The following PKIB variants were observed in gnomAD, a reference collection of about 807,000 sequenced individuals.
The protein encoded by PKIB is cAMP-dependent protein kinase inhibitor beta, also known as PKI-beta.
PKIB carries 2 observed loss-of-function variants against 4.5 expected under a neutral mutation model. The observed-to-expected ratio is 0.44, with a 90% CI of 0.18 to 1.39. PKIB has a LOEUF of 1.39. Ranked by LOEUF, PKIB falls within the 40% of genes most tolerant of loss-of-function variation. The pLI, the probability that PKIB is intolerant of heterozygous loss-of-function variation, is 0.27. For synonymous variants in PKIB, 38 were observed against 36.0 expected (o/e 1.06, Z -0.20); for missense variants, 94 against 92.6 (o/e 1.02, Z -0.06).
chr6:122,529,180 A>T (rs1220900473), intron 2 of PKIB, among the ~76,000 whole-genome samples: 1 of 152,040 alleles, frequency 6.6e-6, no homozygotes, highest in Non-Finnish European at 1.5e-5. Context: ...TTCTGTAATG[A>T]TGTGCTTTGA....
intron 1 of PKIB, among the ~76,000 whole-genome samples, chr6:122,613,588 A>G (rs991417654): frequency 6.6e-6 from 1 of 152,204 alleles, no homozygotes; most frequent in Non-Finnish European, 1.5e-5. Context: ...AGGTAGTGAC[A>G]TTACATGGAA....
intron 2 of PKIB, among the ~76,000 whole-genome samples, chr6:122,551,788 C>A (rs197681): frequency 0.81 from 122,408 of 151,452 alleles, 49,610 homozygotes; most frequent in South Asian, 0.92. Flanking sequence ...TCTTTAAATA[C>A]TAAAACTCCA....
rs1298227998 is a variant in PKIB, at chr6:122,598,645, G to A, written c.-161+12638G>A. 2.0e-5 allele frequency among the ~76,000 whole-genome samples: 3 copies of A among 152,218 alleles called. No homozygotes were observed. In the East Asian group the frequency reaches 5.8e-4, roughly 29 times the overall value. ...TGAACCCTCCCAGCTGGGATGAGTA[G>A]GTCTAAAGTGACTAATCCACTCCAC... On this transcript the variant is annotated intron_variant, in intron 3 of 6. Coordinates refer to the PKIB transcript ENST00000392491.
At chr6:122,628,243 G>A (rs1775545391) in intron 1 of PKIB, among the ~76,000 whole-genome samples, 1 of 152,122 alleles carries the variant, frequency 6.6e-6, no homozygotes, top group Non-Finnish European at 1.5e-5. Flanking sequence ...CTCCATGTGG[G>A]TCAGGCTGGT....
chr6:122,497,363 C>A (rs1776102514), intron 2 of PKIB, among the ~76,000 whole-genome samples: 1 of 152,130 alleles, frequency 6.6e-6, no homozygotes, highest in Non-Finnish European at 1.5e-5. Flanking sequence ...AGAATCAAAA[C>A]TTCACATTAT....
intron 3 of PKIB, among the ~76,000 whole-genome samples, chr6:122,675,410 G>A (rs1777631742): frequency 6.6e-6 from 1 of 152,054 alleles, no homozygotes; most frequent in Non-Finnish European, 1.5e-5. Context: ...CTTTGATGAT[G>A]TCTTTTTCAT....
intron 3 of PKIB, among the ~76,000 whole-genome samples, chr6:122,596,727 G>C (rs918312853): frequency 6.6e-6 from 1 of 152,152 alleles, no homozygotes; most frequent in African/African-American, 2.4e-5. Context: ...TCACCTATGA[G>C]AGCCTGCCAA....
intron 3 of PKIB, among the ~76,000 whole-genome samples, chr6:122,690,938 T>A (rs1327568089): frequency 3.6e-4 from 52 of 146,166 alleles, no homozygotes; most frequent in African/African-American, 1.3e-3. Context: ...ATATATTTTT[T>A]TTTTTTTTTG....
At chr6:122,515,472 G>A (rs1217763311) in intron 2 of PKIB, among the ~76,000 whole-genome samples, 1 of 152,012 alleles carries the variant, frequency 6.6e-6, no homozygotes, top group Non-Finnish European at 1.5e-5. Context: ...GAGAAAGTTA[G>A]GATTAAATAA....
chr6:122,604,769 C>T (rs1172217353), intron 3 of PKIB, among the ~76,000 whole-genome samples: 1 of 152,150 alleles, frequency 6.6e-6, no homozygotes, highest in Non-Finnish European at 1.5e-5. Context: ...GGGATCAGAA[C>T]CCAACATTTT....
rs536760378 is a variant in PKIB, at chr6:122,617,859, T to C, written c.-161+7324T>C. Reference sequence around the variant, plus strand: ...AATTCTCACATGCATCCATAATTGTTTTAATATTGGGTATCTTCCAGTTTT... The same window carrying C: ...AATTCTCACATGCATCCATAATTGTCTTAATATTGGGTATCTTCCAGTTTT... On this transcript the variant is annotated intron_variant, in intron 1 of 4. Coordinates refer to ENST00000368452, the MANE Select transcript of PKIB (RefSeq NM_181795.3). Among the ~76,000 whole-genome samples, 1,024 of 152,258 alleles carry C rather than the reference T, an allele frequency of 6.7e-3. 6 individuals carry two copies. The highest frequency in any genetic ancestry group is 0.012 in the Non-Finnish European group (791 of 67,978).
At chr6:122,693,265 T>A (rs1041391637) in intron 3 of PKIB, among the ~76,000 whole-genome samples, 5 of 152,222 alleles carry the variant, frequency 3.3e-5, no homozygotes, top group Non-Finnish European at 7.3e-5. Context: ...TAGAGTCAAC[T>A]AACTGTTGAC....
intron 3 of PKIB, among the ~76,000 whole-genome samples, chr6:122,679,226 A>C (rs773636160): frequency 6.6e-6 from 1 of 152,188 alleles, no homozygotes; most frequent in Non-Finnish European, 1.5e-5. Flanking sequence ...CTGTGTTTGG[A>C]GGTGAAAGGG....
intron 1 of PKIB, among the ~76,000 whole-genome samples, chr6:122,475,686 C>G (rs534033): frequency 0.6 from 82,847 of 138,904 alleles, 22,857 homozygotes; most frequent in South Asian, 0.72. Flanking sequence ...CTCAAGAGGC[C>G]GAGGCAGGAG....
intron 4 of PKIB, among the ~76,000 whole-genome samples, chr6:122,722,382 T>C (rs1779779538): frequency 6.6e-6 from 1 of 152,172 alleles, no homozygotes. Context: ...TGACAATAAA[T>C]GATATCCTGT....
intron 2 of PKIB, chr6:122,652,619 C>T (rs973359174): frequency 4.6e-5 from 7 of 152,062 alleles, no homozygotes; most frequent in Non-Finnish European, 7.4e-5. Flanking sequence ...TTTGATTGAA[C>T]AACTGGGGCC....
chr6:122,624,733 G>T (rs913623239), intron 1 of PKIB, among the ~76,000 whole-genome samples: 2 of 152,256 alleles, frequency 1.3e-5, no homozygotes, highest in African/African-American at 4.8e-5. Context: ...GAACAGAGCT[G>T]AATTTGAATC....
At chr6:122,607,789 T>G (rs563188538), upstream of PKIB, among the ~76,000 whole-genome samples, 1 of 152,348 alleles carries the variant, frequency 6.6e-6, no homozygotes, top group East Asian at 1.9e-4. Flanking sequence ...GGGGCAGTGT[T>G]GGGATCCTTG....
rs1365863857 is a variant in PKIB, at chr6:122,621,424, T to C, written c.-161+10889T>C. 2.6e-5 allele frequency among the ~76,000 whole-genome samples: 4 copies of C among 152,154 alleles called. No individual in the cohort carries two copies. In the East Asian group the frequency reaches 7.7e-4, roughly 29 times the overall value. Reference sequence around the variant, plus strand: ...GAGCACAGGATTAGTGTTGGATAGGTAAATAACTGCAAACACGATGTGATG... The same window carrying C: ...GAGCACAGGATTAGTGTTGGATAGGCAAATAACTGCAAACACGATGTGATG... On this transcript the variant is annotated intron_variant, in intron 1 of 4. Coordinates refer to ENST00000368452, the MANE Select transcript of PKIB (RefSeq NM_181795.3).
Sources: gnomAD v4.1 joint callset for allele counts (sites outside exome capture counted in the v4.1 genomes callset) on GRCh38, gnomAD v4.1.1 for gene constraint, MANE v1.5 for transcripts, NCBI Gene and HGNC (gene_info 2026-07-23, HGNC 2026-07-21) for gene names.